The following SEPTIN9 variants were observed in gnomAD, a reference collection of about 807,000 sequenced individuals.
The protein encoded by SEPTIN9 is septin 9.
In SEPTIN9, 13 loss-of-function variants were observed where a neutral mutation model predicts 56.6. The observed-to-expected ratio is 0.23, with a 90% CI of 0.15 to 0.37. The LOEUF is 0.37. Among genes scored for constraint, SEPTIN9 ranks in the 10% least tolerant of loss-of-function variants. The probability of loss-of-function intolerance (pLI) is 1.00; values close to 1 mark genes in which losing one functional copy is unlikely to be tolerated. For synonymous variants in SEPTIN9, 332 were observed against 334.1 expected, an observed-to-expected ratio of 0.99 and a Z score of 0.07; for missense variants, 650 against 823.1, an observed-to-expected ratio of 0.79 and a Z score of 2.57.
intron 2 of SEPTIN9, chr17:77,373,070 G>C (rs1023835452): frequency 3.1e-5 from 15 of 490,326 alleles, no homozygotes; most frequent in Non-Finnish European, 4.0e-5. Context: ...CGGGGCGCCC[G>C]GGGGGAGGGG....
intron 3 of SEPTIN9, among the ~76,000 whole-genome samples, chr17:77,420,799 C>G (rs762283745): frequency 1.3e-5 from 2 of 152,166 alleles, no homozygotes; most frequent in Non-Finnish European, 2.9e-5. Context: ...TCAGTGAAAC[C>G]CTTGTCTCAG....
rs796087595 is a variant in SEPTIN9 at position 77,390,455 on chromosome 17, T to C, written c.77-11604T>C. Reference sequence around the variant, plus strand: ...AAAAAAAAAACTGCACATTTCGCTTTTTTTTTTTTTTTTTGAGACGGAGTC... The same window carrying C: ...AAAAAAAAAACTGCACATTTCGCTTCTTTTTTTTTTTTTTGAGACGGAGTC... On this transcript the variant is annotated intron_variant, in intron 2 of 11. Coordinates refer to ENST00000427177, the MANE Select transcript of SEPTIN9 (RefSeq NM_001113491.2). 9.3e-4 allele frequency among the ~76,000 whole-genome samples: 124 copies of C among 133,928 alleles called. 1 individual carries two copies. Among genetic ancestry groups the C allele is most frequent in the African/African-American group, 3.8e-3 (117 of 31,070 alleles). 87.9% of individuals were successfully genotyped at this position (133,928 alleles called of 152,430 possible).
intron 2 of SEPTIN9, among the ~76,000 whole-genome samples, chr17:77,384,965 C>T (rs1198228723): frequency 1.3e-5 from 2 of 151,932 alleles, no homozygotes; most frequent in East Asian, 3.9e-4. Flanking sequence ...TAGATTTTTT[C>T]CCTTTGTTTT....
Position 77,425,416 on chromosome 17 carries a change from C to A in SEPTIN9, c.721+22713C>A, listed in dbSNP as rs2144243918. Among the ~76,000 whole-genome samples, 1 of 152,310 alleles carries A rather than the reference C, an allele frequency of 6.6e-6. No individual in the cohort carries two copies. Among genetic ancestry groups the A allele is most frequent in the East Asian group, 1.9e-4 (1 of 5,180 alleles). On this transcript the variant is annotated intron_variant, in intron 3 of 11. Coordinates refer to ENST00000427177, the MANE Select transcript of SEPTIN9 (RefSeq NM_001113491.2). This position sits in a 1 kb window ranked among gnomAD's most constrained non-coding sequence, Gnocchi z 4.2. ...GTCCGGGAGGGGGATGTGACCGTGT[C>A]CCCAGGGTGAAGCCCACCCGAGTGT...
intron 2 of SEPTIN9, among the ~76,000 whole-genome samples, chr17:77,334,084 G>C (rs949521645): frequency 2.6e-5 from 4 of 151,910 alleles, no homozygotes; most frequent in Non-Finnish European, 5.9e-5. Flanking sequence ...TTTTGTTGCT[G>C]CTTTGTTGTT....
intron 2 of SEPTIN9, among the ~76,000 whole-genome samples, chr17:77,331,649 T>C (rs2143710503): frequency 6.6e-6 from 1 of 152,320 alleles, no homozygotes; most frequent in South Asian, 2.1e-4. Context: ...ACTGAATTTG[T>C]GGGCAGAGGC....
In SEPTIN9 at chr17:77,436,208, T is replaced by C. The variant is rs2037331445; in HGVS notation, c.721+33505T>C. Among the ~76,000 whole-genome samples, 1 of 152,018 alleles carries C rather than the reference T, an allele frequency of 6.6e-6. No individual in the cohort carries two copies. Among genetic ancestry groups the C allele is most frequent in the African/African-American group, 2.4e-5 (1 of 41,400 alleles). On this transcript the variant is annotated intron_variant, in intron 3 of 11. Coordinates refer to ENST00000427177, the MANE Select transcript of SEPTIN9 (RefSeq NM_001113491.2). The surrounding 1 kb of genome is among the most constrained non-coding windows in gnomAD (Gnocchi z 4.4). ...GGTGGATCCCATTTCCTCAGCCCCCTCTCCAGCTTTCCCAGGGAAAGGGCA... is the reference window on the plus strand; with the variant it reads ...GGTGGATCCCATTTCCTCAGCCCCCCCTCCAGCTTTCCCAGGGAAAGGGCA...
At chr17:77,430,686 G>C (rs2037094638) in intron 3 of SEPTIN9, among the ~76,000 whole-genome samples, 1 of 152,192 alleles carries the variant, frequency 6.6e-6, no homozygotes, top group Non-Finnish European at 1.5e-5. Context: ...CCAAGGGGCA[G>C]AGGTTAGAAG....
intron 4 of SEPTIN9, among the ~76,000 whole-genome samples, chr17:77,485,002 G>T (rs796776734): frequency 2.9e-5 from 1 of 34,096 alleles, no homozygotes; most frequent in Non-Finnish European, 6.4e-5. Context: ...TGGTGGTGAA[G>T]GGGGTGATGG....
At chr17:77,308,727 G>A (rs2032365476) in intron 2 of SEPTIN9, among the ~76,000 whole-genome samples, 1 of 152,208 alleles carries the variant, frequency 6.6e-6, no homozygotes, top group Non-Finnish European at 1.5e-5. Flanking sequence ...TGCTTCTGTG[G>A]GGACAGCACA....
At chr17:77,350,698 G>T (rs1192795024) in intron 2 of SEPTIN9, among the ~76,000 whole-genome samples, 1 of 151,752 alleles carries the variant, frequency 6.6e-6, no homozygotes, top group African/African-American at 2.4e-5. Context: ...GCAAAGGTTG[G>T]GATTGGAGCA....
At chr17:77,388,810 C>CTTTTTTTTTTTTTTTTTTTTT (rs5822196) in intron 2 of SEPTIN9, among the ~76,000 whole-genome samples, 3 of 78,052 alleles carry the variant, frequency 3.8e-5, no homozygotes, top group African/African-American at 6.0e-5. Context: ...GTGTTAGGCG[C>CTTTTTTTTTTTTTTTTTTTTT]TTTTTTTTTT....
At chr17:77,331,789 GC>G (rs1342762002) in intron 2 of SEPTIN9, among the ~76,000 whole-genome samples, 2 of 152,232 alleles carry the variant, frequency 1.3e-5, no homozygotes, top group Non-Finnish European at 2.9e-5. Context: ...CCCCGCACAG[GC>G]ACGGGGGGCC....
intron 2 of SEPTIN9, among the ~76,000 whole-genome samples, chr17:77,307,802 C>T (rs1329463464): frequency 6.6e-6 from 1 of 152,210 alleles, no homozygotes; most frequent in Non-Finnish European, 1.5e-5. Context: ...CGAGTTACAG[C>T]TTATAGGCTT....
chr17:77,421,860 A>AT lies in SEPTIN9; in HGVS notation c.721+19165dup, dbSNP rs1350805701. ...CTGCTAAGCTCCATGGAGTGTAGGG[A>AT]TTTTTTTTGAGACGGTCTCTCTCTG... On this transcript the variant is annotated intron_variant, in intron 3 of 11. Transcript: ENST00000427177. This position sits in a 1 kb window ranked among gnomAD's most constrained non-coding sequence, Gnocchi z 4.6. Among the ~76,000 whole-genome samples, 8 of 151,540 alleles carry AT rather than the reference A, an allele frequency of 5.3e-5. No homozygotes were observed. Among genetic ancestry groups the AT allele is most frequent in the Admixed American group, 1.3e-4 (2 of 15,214 alleles).
chr17:77,496,413 TG>T (rs1020543928), intron 10 of SEPTIN9: 1 of 152,218 alleles, frequency 6.6e-6, no homozygotes, highest in Non-Finnish European at 1.5e-5. Context: ...GTTCATCACA[TG>T]GGAGGGCACC....
rs556159471 is a variant in SEPTIN9, at chr17:77,323,141, C to T, written c.76+15944C>T. Among the ~76,000 whole-genome samples, 3 of 152,248 alleles carry T rather than the reference C, an allele frequency of 2.0e-5. No homozygotes were observed. Among genetic ancestry groups the T allele is most frequent in the South Asian group, 2.1e-4 (1 of 4,822 alleles). ...TCCCTCCCTCGGCAGTGTCTGGCTC[C>T]GGTCTGGTTTGTGAACGGGGGCCTG... On this transcript the variant is annotated intron_variant, in intron 2 of 11. Transcript: ENST00000427177. The surrounding 1 kb of genome is among the most constrained non-coding windows in gnomAD (Gnocchi z 6.8).
chr17:77,470,301 C>G (rs1238703725), intron 3 of SEPTIN9, among the ~76,000 whole-genome samples: 3 of 151,698 alleles, frequency 2.0e-5, no homozygotes, highest in African/African-American at 7.3e-5. Flanking sequence ...TACTCACCCA[C>G]CCATCCACTC....
In SEPTIN9 at chr17:77,490,607, G is replaced by T. The variant is rs115933759; in HGVS notation, c.1263-135G>T. The stretch of plus-strand genomic sequence containing the variant: ...TCACAGCGTGGCCGACTCGGCCCGG[G>T]GCCCTGTCCTTGCCAGCAGGGACCC... On this transcript the variant is annotated intron_variant, in intron 7 of 11. Coordinates refer to ENST00000427177, the MANE Select transcript of SEPTIN9 (RefSeq NM_001113491.2). The T allele has an allele frequency of 0.027, 19,000 of 701,452 alleles. 441 individuals are homozygous for T. The highest frequency in any genetic ancestry group is 0.078 in the African/African-American group (4,444 of 57,224). The allele number at this position is 701,452 out of a possible 1,614,324, so 43.5% of individuals were successfully genotyped here. A position where few individuals can be genotyped will look rare whatever the true frequency, so the allele number is the denominator to read the frequency against.
Sources: allele counts gnomAD v4.1 joint callset (sites outside exome capture counted in the v4.1 genomes callset), GRCh38; gene constraint gnomAD v4.1.1; non-coding constraint Gnocchi (gnomAD v3.1); transcripts MANE v1.5; gene names NCBI Gene and HGNC (gene_info 2026-07-23, HGNC 2026-07-21).